The following RUNX2 variants were observed in gnomAD, a reference collection of about 807,000 sequenced individuals.
RUNX2 encodes the protein runt-related transcription factor 2.
RUNX2 carries 10 observed loss-of-function variants against 51.7 expected under a neutral mutation model. The observed-to-expected ratio is 0.19, with a 90% CI of 0.12 to 0.33. The LOEUF (loss-of-function observed/expected upper bound fraction) is 0.33. RUNX2 is among the 10% of genes least tolerant of loss of function. The probability of loss-of-function intolerance (pLI) is 1.00; values close to 1 mark genes in which losing one functional copy is unlikely to be tolerated. For missense variants in RUNX2, 562 were observed against 691.3 expected, an observed-to-expected ratio of 0.81 and a Z score of 2.10; for synonymous variants, 276 against 273.6, an observed-to-expected ratio of 1.01 and a Z score of -0.09.
chr6:45,492,199 A>G (rs1165301889), intron 6 of RUNX2, 85 bp downstream of exon 6: 4 of 1,322,674 alleles, frequency 3.0e-6, no homozygotes, highest in African/African-American at 2.9e-5. Context: ...TTCACTTCAA[A>G]ACTCCTGGAG....
intron 6 of RUNX2, 30 bp from the exon 7 acceptor site, chr6:45,512,216 A>C: frequency 6.2e-7 from 1 of 1,609,940 alleles, no homozygotes; most frequent in South Asian, 1.1e-5. Context: ...TGGTTGCTAT[A>C]CTAAAGATTT....
chr6:45,383,364 G>A (rs1452047206), intron 2 of RUNX2, among the ~76,000 whole-genome samples: 2 of 152,128 alleles, frequency 1.3e-5, no homozygotes, highest in Non-Finnish European at 2.9e-5. Flanking sequence ...TTGGACCCAG[G>A]AGGCAGAGGT....
chr6:45,531,382 T>C (rs550633618), intron 7 of RUNX2, among the ~76,000 whole-genome samples: 12 of 152,124 alleles, frequency 7.9e-5, no homozygotes, highest in Non-Finnish European at 1.8e-4. Context: ...GAAATAATAG[T>C]GGAAAAATCT....
chr6:45,397,109 T>A (rs971118755), intron 2 of RUNX2, among the ~76,000 whole-genome samples: 1 of 140,836 alleles, frequency 7.1e-6, no homozygotes, highest in African/African-American at 3.0e-5. Flanking sequence ...ATTTAAAACT[T>A]TTTTTTTTTT....
chr6:45,438,133 C>T (rs1241412819), intron 5 of RUNX2, 82 bp downstream of exon 5: 2 of 882,434 alleles, frequency 2.3e-6, no homozygotes, highest in Admixed American at 1.7e-5. Flanking sequence ...GAGTTAGTGT[C>T]ACTTTCATGT....
At chr6:45,329,863 C>G (rs1170701495) in intron 2 of RUNX2, among the ~76,000 whole-genome samples, 4 of 151,844 alleles carry the variant, frequency 2.6e-5, no homozygotes, top group Non-Finnish European at 5.9e-5. Context: ...CCAACATGTT[C>G]CAACTACAAG....
chr6:45,391,881 A>G (rs1797479097), intron 2 of RUNX2, among the ~76,000 whole-genome samples: 1 of 152,236 alleles, frequency 6.6e-6, no homozygotes. Flanking sequence ...CAAAGCCTAA[A>G]TGTATCACAC....
intron 2 of RUNX2, chr6:45,371,997 T>A (rs1318889831): frequency 3.3e-6 from 3 of 911,834 alleles, no homozygotes; most frequent in East Asian, 2.4e-4. Flanking sequence ...TGGTCCAGAG[T>A]TCTTTCTACT....
intron 2 of RUNX2, among the ~76,000 whole-genome samples, chr6:45,411,579 T>C (rs2150356848): frequency 6.6e-6 from 1 of 152,342 alleles, no homozygotes. Flanking sequence ...ATACTTCTGG[T>C]AATTCTCTTA....
At chr6:45,349,404 G>A (rs566353283) in intron 2 of RUNX2, among the ~76,000 whole-genome samples, 42 of 152,206 alleles carry the variant, frequency 2.8e-4, no homozygotes, top group African/African-American at 9.9e-4. Flanking sequence ...TTGATAAATC[G>A]GGGCACTACA....
At chr6:45,399,819 TAAGGAAGGAAGG>T (rs201636835) in intron 2 of RUNX2, among the ~76,000 whole-genome samples, 5 of 71,942 alleles carry the variant, frequency 7.0e-5, no homozygotes, top group East Asian at 4.7e-4. Context: ...GGGAGGGAAG[TAAGGAAGGAAGG>T]AAGGAAGGAA....
intron 2 of RUNX2, among the ~76,000 whole-genome samples, chr6:45,340,359 T>C (rs966210282): frequency 1.3e-5 from 2 of 152,130 alleles, no homozygotes; most frequent in African/African-American, 4.8e-5. Flanking sequence ...GGTCTCACTC[T>C]GTCACCCAGG....
intron 2 of RUNX2, among the ~76,000 whole-genome samples, chr6:45,364,902 A>G (rs1193898276): frequency 5.9e-5 from 9 of 152,224 alleles, no homozygotes; most frequent in African/African-American, 1.9e-4. Flanking sequence ...ATAGAAATAA[A>G]CAATACATAA....
intron 2 of RUNX2, among the ~76,000 whole-genome samples, chr6:45,403,303 G>A (rs891545139): frequency 5.5e-5 from 8 of 145,468 alleles, no homozygotes; most frequent in Admixed American, 1.4e-4. Flanking sequence ...GTGCGATCTC[G>A]GCTCACTGCA....
At chr6:45,419,810 C>T (rs1416255644) in intron 2 of RUNX2, among the ~76,000 whole-genome samples, 6 of 152,114 alleles carry the variant, frequency 3.9e-5, no homozygotes, top group Non-Finnish European at 1.5e-5. Flanking sequence ...GGCTGGGAGG[C>T]CAGTAGGCCG....
chr6:45,329,092 T>C (rs1002335180), intron 2 of RUNX2, among the ~76,000 whole-genome samples: 1 of 151,988 alleles, frequency 6.6e-6, no homozygotes, highest in Non-Finnish European at 1.5e-5. Flanking sequence ...AATACTCTCA[T>C]TAACCCTCAC....
At chr6:45,383,467 T>C (rs942245621) in intron 2 of RUNX2, among the ~76,000 whole-genome samples, 5 of 152,154 alleles carry the variant, frequency 3.3e-5, no homozygotes, top group African/African-American at 1.2e-4. Context: ...CTTAAGGAAA[T>C]GAGAACTTTG....
At chr6:45,457,583 T>C (rs1799351097) in intron 5 of RUNX2, among the ~76,000 whole-genome samples, 1 of 152,216 alleles carries the variant, frequency 6.6e-6, no homozygotes, top group Non-Finnish European at 1.5e-5. Context: ...AGCATTCTTC[T>C]TGGCACATGC....
chr6:45,415,064 C>T (rs746814746), intron 2 of RUNX2, among the ~76,000 whole-genome samples: 1 of 152,090 alleles, frequency 6.6e-6, no homozygotes, highest in Non-Finnish European at 1.5e-5. Flanking sequence ...TGGAAATCCT[C>T]ATCTTATAAT....
Sources: gnomAD v4.1 joint callset for allele counts (sites outside exome capture counted in the v4.1 genomes callset) on GRCh38, gnomAD v4.1.1 for gene constraint, MANE v1.5 for transcripts, NCBI Gene and HGNC (gene_info 2026-07-23, HGNC 2026-07-21) for gene names.